The following PTPRT variants were observed in gnomAD, a reference collection of about 807,000 sequenced individuals.
The protein encoded by PTPRT is receptor-type tyrosine-protein phosphatase T.
PTPRT carries 56 observed loss-of-function variants against 176.8 expected under a neutral mutation model. The ratio of observed to expected loss-of-function variants is 0.32; its 90% confidence interval spans 0.26 to 0.40. The LOEUF (loss-of-function observed/expected upper bound fraction) is 0.40. PTPRT is among the 10% of genes least tolerant of loss of function. The pLI is 1.00. For synonymous variants in PTPRT, 783 were observed against 739.0 expected, an observed-to-expected ratio of 1.06 and a Z score of -0.96; for missense variants, 1,540 against 1,908.2, an observed-to-expected ratio of 0.81 and a Z score of 3.60.
chr20:42,696,747 G>A (rs1035250163), intron 6 of PTPRT, among the ~76,000 whole-genome samples: 2 of 151,974 alleles, frequency 1.3e-5, no homozygotes, highest in African/African-American at 2.4e-5. Flanking sequence ...GAGCCACCCC[G>A]CCCGGCCATG....
At position 42,780,999 on chromosome 20, in the gene PTPRT, C is replaced by T. The variant is rs140563870; in HGVS notation, c.487-700G>A. Among the ~76,000 whole-genome samples, 1,126 of 152,176 alleles carry T rather than the reference C, an allele frequency of 7.4e-3. 13 individuals carry two copies. Among genetic ancestry groups the T allele is most frequent in the Non-Finnish European group, 0.01 (707 of 68,020 alleles). ...CTGGTTCCAATGGCCTTCTTCAATC[C>T]ACTTTAGCCCCACTTTCACCTCATT... On this transcript the variant is annotated intron_variant, in intron 3 of 30. Coordinates refer to ENST00000373187, the MANE Select transcript of PTPRT (RefSeq NM_007050.6).
At chr20:42,085,307 T>C (rs1983774580) in intron 28 of PTPRT, among the ~76,000 whole-genome samples, 1 of 152,106 alleles carries the variant, frequency 6.6e-6, no homozygotes, top group South Asian at 2.1e-4. Flanking sequence ...AATCTGCCCC[T>C]CCCACCCACT....
intron 1 of PTPRT, among the ~76,000 whole-genome samples, chr20:43,133,299 T>A (rs1388840520): frequency 2.0e-5 from 3 of 152,176 alleles, no homozygotes; most frequent in Non-Finnish European, 2.9e-5. Context: ...CCATAAAGAC[T>A]ACATTTCAGG....
At position 42,115,293 on chromosome 20, in the gene PTPRT, G is replaced by C. The variant is rs1287380722; in HGVS notation, c.3005C>G (p.Pro1002Arg). The C allele has an allele frequency of 6.2e-7, 1 of 1,614,046 alleles. No homozygotes were observed. Among genetic ancestry groups the C allele is most frequent in the Non-Finnish European group, 8.5e-7 (1 of 1,179,928 alleles). The change falls in exon 22 of 31, where the codon CCA becomes CGA. Residue 1002 changes from proline (P) to arginine (R), a missense_variant. Around this residue, in one of 11 missense-constraint regions of PTPRT, gnomAD observed 248 missense variants for 356.7 expected, o/e 0.70. Transcript: ENST00000373187. The stretch of plus-strand genomic sequence containing the variant: ...GTCTCCGTAGACCTCCGTGTCATCT[G>C]GCCAGTATCGCACACATTTCACCTG... ...VGRVKCVRYWPDDTEVYGDIK... is the reference protein window; with the variant it reads ...VGRVKCVRYWRDDTEVYGDIK...
At chr20:42,551,995 T>C (rs2072779380) in intron 7 of PTPRT, among the ~76,000 whole-genome samples, 1 of 152,126 alleles carries the variant, frequency 6.6e-6, no homozygotes, top group Non-Finnish European at 1.5e-5. Flanking sequence ...TTACCATCAG[T>C]CTATAACACC....
intron 7 of PTPRT, among the ~76,000 whole-genome samples, chr20:42,653,966 G>A (rs2075077553): frequency 6.6e-6 from 1 of 152,146 alleles, no homozygotes; most frequent in South Asian, 2.1e-4. Context: ...TGCTTTTCCA[G>A]GCCGTAAAAC....
intron 6 of PTPRT, among the ~76,000 whole-genome samples, chr20:42,752,977 G>T (rs1399775436): frequency 6.6e-6 from 1 of 152,144 alleles, no homozygotes; most frequent in African/African-American, 2.4e-5. Flanking sequence ...GTGTGTTTGG[G>T]GTCGGGGCAG....
At chr20:43,115,159 T>C (rs1211422790) in intron 1 of PTPRT, among the ~76,000 whole-genome samples, 1 of 152,170 alleles carries the variant, frequency 6.6e-6, no homozygotes, top group African/African-American at 2.4e-5. Context: ...TAGCCAGTAC[T>C]CTGAGAAGGA....
chr20:42,546,927 T>C (rs2072686207), intron 7 of PTPRT, among the ~76,000 whole-genome samples: 1 of 152,122 alleles, frequency 6.6e-6, no homozygotes, highest in Non-Finnish European at 1.5e-5. Flanking sequence ...ATCACTGTCA[T>C]AGATCTAATA....
At chr20:42,132,861 C>G (rs1988185797) in intron 18 of PTPRT, among the ~76,000 whole-genome samples, 1 of 152,154 alleles carries the variant, frequency 6.6e-6, no homozygotes, top group African/African-American at 2.4e-5. Flanking sequence ...ATAGGAAAAC[C>G]TGCACATGGA....
intron 2 of PTPRT, among the ~76,000 whole-genome samples, chr20:42,871,520 G>A (rs2078846238): frequency 6.6e-6 from 1 of 152,088 alleles, no homozygotes; most frequent in Non-Finnish European, 1.5e-5. Flanking sequence ...CTTGTCGCCT[G>A]TACTTTTGGT....
intron 1 of PTPRT, among the ~76,000 whole-genome samples, chr20:43,102,030 GCAGAAGGGA>G (rs1167750093): frequency 1.3e-5 from 2 of 152,110 alleles, no homozygotes; most frequent in Non-Finnish European, 2.9e-5. Context: ...TCCTTACATG[GCAGAAGGGA>G]CAGAAGGGCA....
chr20:42,318,040 T>C (rs2057746433), intron 11 of PTPRT, among the ~76,000 whole-genome samples: 1 of 152,198 alleles, frequency 6.6e-6, no homozygotes, highest in African/African-American at 2.4e-5. Context: ...AAATATAACA[T>C]TCAGATGAAC....
In PTPRT at chr20:43,076,477, T is replaced by C. The variant is rs138195872; in HGVS notation, c.88+113169A>G. On this transcript the variant is annotated intron_variant, in intron 1 of 30. Coordinates refer to ENST00000373187, the MANE Select transcript of PTPRT (RefSeq NM_007050.6). ...AAGAAGAAGCCTAATGAGCCTGCTT[T>C]TTACTTTGATGTGGTCTTCAACTGA... Among the ~76,000 whole-genome samples, 1,222 of 152,216 alleles carry C rather than the reference T, an allele frequency of 8.0e-3. 5 individuals carry two copies. The highest frequency in any genetic ancestry group is 0.013 in the Admixed American group (196 of 15,296).
intron 6 of PTPRT, among the ~76,000 whole-genome samples, chr20:42,731,117 G>A (rs1461232115): frequency 1.3e-5 from 2 of 152,144 alleles, no homozygotes; most frequent in East Asian, 3.9e-4. Context: ...CAGGTAAAAG[G>A]TGAAGCAAGA....
chr20:42,860,154 T>C (rs2078636633), intron 2 of PTPRT, among the ~76,000 whole-genome samples: 1 of 152,190 alleles, frequency 6.6e-6, no homozygotes, highest in Non-Finnish European at 1.5e-5. Context: ...CATCTTGACC[T>C]GTCTCATTAA....
chr20:42,215,562 C>G (rs2055748373), intron 15 of PTPRT, among the ~76,000 whole-genome samples: 2 of 151,940 alleles, frequency 1.3e-5, no homozygotes, highest in Admixed American at 1.3e-4. Flanking sequence ...TCTAGGGAAC[C>G]AAGGTGACTA....
rs138104906 is a variant in PTPRT, at chr20:42,917,791, C to T, written c.89-31859G>A. Among the ~76,000 whole-genome samples, 791 of 152,190 alleles carry T rather than the reference C, an allele frequency of 5.2e-3. 7 individuals are homozygous for T. The highest frequency in any genetic ancestry group is 0.016 in the African/African-American group (672 of 41,510). On this transcript the variant is annotated intron_variant, in intron 1 of 30. Coordinates refer to ENST00000373187, the MANE Select transcript of PTPRT (RefSeq NM_007050.6). The stretch of plus-strand genomic sequence containing the variant: ...GAAGTCATAACTAGTGAGGAATGAG[C>T]GAAAGTTGAGGTGAGGGATGGAGAT...
At position 42,372,706 on chromosome 20, in the gene PTPRT, T is replaced by C. The variant is rs183039883; in HGVS notation, c.1561-20421A>G. ...CTCTGAAAAAGATAATATTAAAAGG[T>C]GGGACCTTTGGGAGGGCAGAACTGT... On this transcript the variant is annotated intron_variant, in intron 9 of 30. Coordinates refer to ENST00000373187, the MANE Select transcript of PTPRT (RefSeq NM_007050.6). Among the ~76,000 whole-genome samples, 12 of 152,268 alleles carry C rather than the reference T, an allele frequency of 7.9e-5. No homozygotes were observed. In the East Asian group the frequency reaches 2.3e-3, roughly 29 times the overall value.
Sources: allele counts gnomAD v4.1 joint callset (sites outside exome capture counted in the v4.1 genomes callset), GRCh38; gene constraint gnomAD v4.1.1; regional missense constraint gnomAD v4.1.1; transcripts MANE v1.5; gene names NCBI Gene and HGNC (gene_info 2026-07-23, HGNC 2026-07-21).